HOOK3: variants seen among roughly 807,000 people sequenced by gnomAD.
HOOK3 encodes hook microtubule tethering protein 3, also known as protein Hook homolog 3.
A neutral mutation model predicts 116.3 loss-of-function variants in HOOK3; 24 were observed. The ratio of observed to expected loss-of-function variants is 0.21; its 90% CI spans 0.15 to 0.29. The LOEUF (loss-of-function observed/expected upper bound fraction) is 0.29, where lower values mean the gene tolerates loss of function less well. Among genes scored for constraint, HOOK3 ranks in the 10% least tolerant of loss-of-function variants. The probability of loss-of-function intolerance (pLI) is 1.00; values close to 1 mark genes in which losing one functional copy is unlikely to be tolerated. For missense variants in HOOK3, 632 were observed against 830.2 expected (o/e 0.76, Z 2.93); for synonymous variants, 275 against 283.0 (o/e 0.97, Z 0.28).
At chr8:42,984,908 A>C (rs963992718) in intron 14 of HOOK3, among the ~76,000 whole-genome samples, 1 of 152,238 alleles carries the variant, frequency 6.6e-6, no homozygotes, top group African/African-American at 2.4e-5. Context: ...CTGAAAAAAA[A>C]GAACAATGAT....
intron 1 of HOOK3, among the ~76,000 whole-genome samples, chr8:42,899,494 C>T (rs2130308386): frequency 6.6e-6 from 1 of 152,264 alleles, no homozygotes; most frequent in South Asian, 2.1e-4. Flanking sequence ...TCTCTTTTAG[C>T]TGTCATTATA....
In HOOK3 at chr8:43,028,649, C is replaced by T. The variant is rs1273319805; in HGVS notation, c.*10151C>T. The T allele has an allele frequency of 1.6e-5, 3 of 191,788 alleles. No individual in the cohort carries two copies. The highest frequency in any genetic ancestry group is 1.1e-5 in the Non-Finnish European group (1 of 91,754). 11.9% of individuals were successfully genotyped at this position (191,788 alleles called of 1,614,324 possible). A position where few individuals can be genotyped will look rare whatever the true frequency, so the allele number is the denominator to read the frequency against. ...TTAAGTTTTATGTATAAGGCATTTA[C>T]TATTCCAGTGACTTAGCTAATGAAA... On this transcript the variant is annotated 3_prime_UTR_variant, in exon 22 of 22. Transcript: ENST00000307602.
In HOOK3 at chr8:42,966,419, A is replaced by C. The variant is rs190032098; in HGVS notation, c.780-54A>C. On this transcript the variant is annotated intron_variant, in intron 9 of 21. Coordinates refer to ENST00000307602, the MANE Select transcript of HOOK3 (RefSeq NM_032410.4). ...ATATCTTTCTTTTACTGTTCTAAGG[A>C]GAATGAGGAGGCAGTAAATAGTGCT... 2.0e-4 allele frequency: 312 copies of C among 1,581,582 alleles called. No individual in the cohort carries two copies. The African/African-American group carries it at 3.7e-3, about 19-fold the overall frequency.
chr8:43,014,442 C>T (rs1373990491), intron 21 of HOOK3, among the ~76,000 whole-genome samples: 3 of 151,882 alleles, frequency 2.0e-5, no homozygotes, highest in Non-Finnish European at 4.4e-5. Context: ...ACCTCCGCCT[C>T]CCAGGTTCAA....
At chr8:42,921,473 T>A (rs1179033424) in intron 2 of HOOK3, among the ~76,000 whole-genome samples, 1 of 152,214 alleles carries the variant, frequency 6.6e-6, no homozygotes, top group Non-Finnish European at 1.5e-5. Context: ...AGAAATCACT[T>A]CAGTTGTTTT....
At chr8:42,934,784 A>G (rs1807935465) in intron 4 of HOOK3, among the ~76,000 whole-genome samples, 1 of 152,114 alleles carries the variant, frequency 6.6e-6, no homozygotes, top group African/African-American at 2.4e-5. Context: ...TTCTTTATCC[A>G]GTCTATCATT....
chr8:42,900,587 G>A (rs548304724), intron 1 of HOOK3, among the ~76,000 whole-genome samples: 5 of 152,138 alleles, frequency 3.3e-5, no homozygotes, highest in African/African-American at 1.2e-4. Context: ...TGCCTAACTC[G>A]ATTCTGCCAA....
At chr8:43,011,137 C>T (rs1042516699) in intron 19 of HOOK3, among the ~76,000 whole-genome samples, 3 of 151,976 alleles carry the variant, frequency 2.0e-5, no homozygotes, top group African/African-American at 4.8e-5. Flanking sequence ...GGACTACAGG[C>T]GCCTGCCACC....
In HOOK3 at chr8:42,909,621, C is replaced by T. The variant is rs1186369771; in HGVS notation, c.143+3363C>T. ...TTCTGGGAGCACAGGCACGCACACACCCAGCCTTTTTTGTTGTTGTTGTTG... is the reference window on the plus strand; with the variant it reads ...TTCTGGGAGCACAGGCACGCACACATCCAGCCTTTTTTGTTGTTGTTGTTG... On this transcript the variant is annotated intron_variant, in intron 2 of 21. Transcript: ENST00000307602. Among the ~76,000 whole-genome samples, 7 of 152,264 alleles carry T rather than the reference C, an allele frequency of 4.6e-5. No homozygotes were observed. The East Asian group carries it at 1.3e-3, about 29-fold the overall frequency.
intron 16 of HOOK3, among the ~76,000 whole-genome samples, chr8:42,999,424 C>T (rs549489131): frequency 1.3e-5 from 2 of 152,346 alleles, no homozygotes; most frequent in East Asian, 1.9e-4. Context: ...ATAGCTGAAA[C>T]TGTGCCTCCA....
At chr8:42,973,218 C>A in intron 11 of HOOK3, 71 bp from the exon 12 acceptor site, 1 of 1,504,006 alleles carries the variant, frequency 6.6e-7, no homozygotes, top group African/African-American at 1.4e-5. Context: ...TTTCTTAAAC[C>A]TGTAGAAGAA....
chr8:42,927,245 G>GTTTTTTTTTTGTTT (rs1389225180), intron 3 of HOOK3, among the ~76,000 whole-genome samples: 2 of 119,340 alleles, frequency 1.7e-5, no homozygotes, highest in African/African-American at 3.5e-5. Flanking sequence ...AATGGCACTG[G>GTTTTTTTTTTGTTT]TTTTTTTTTT....
At chr8:42,956,619 C>T (rs1385774122) in intron 6 of HOOK3, among the ~76,000 whole-genome samples, 9 of 152,126 alleles carry the variant, frequency 5.9e-5, no homozygotes, top group Admixed American at 3.9e-4. Context: ...GAATCTCGCC[C>T]TGTCGCCCAG....
At chr8:42,971,429 G>C (rs1162920145) in intron 11 of HOOK3, among the ~76,000 whole-genome samples, 1 of 151,720 alleles carries the variant, frequency 6.6e-6, no homozygotes, top group Non-Finnish European at 1.5e-5. Context: ...ACCATGCCTG[G>C]CTAATTTTTG....
At chr8:43,007,016 ATTTTTTTTT>A (rs58609523) in intron 17 of HOOK3, among the ~76,000 whole-genome samples, 1 of 103,242 alleles carries the variant, frequency 9.7e-6, no homozygotes, top group Non-Finnish European at 1.9e-5. Context: ...AAGTTCCTAG[ATTTTTTTTT>A]TTTTTTTTTT....
intron 13 of HOOK3, among the ~76,000 whole-genome samples, chr8:42,980,232 T>C (rs1808913573): frequency 6.6e-6 from 1 of 151,932 alleles, no homozygotes; most frequent in South Asian, 2.1e-4. Context: ...GGATTACAGG[T>C]GTGAGCCACT....
Position 42,906,195 on chromosome 8 carries a change from C to T in HOOK3, c.80C>T (p.Ala27Val), listed in dbSNP as rs774064362. The T allele has an allele frequency of 3.9e-6, 5 of 1,293,860 alleles. No homozygotes were observed. Among genetic ancestry groups the T allele is most frequent in the East Asian group, 4.5e-5 (1 of 22,098 alleles). 80.1% of individuals were successfully genotyped at this position (1,293,860 alleles called of 1,614,324 possible). A position where few individuals can be genotyped will look rare whatever the true frequency, so the allele number is the denominator to read the frequency against. ...LTWIQTFNVD[A>V]PCQTVEDLTN... is the part of the protein sequence containing the mutation. Reference sequence around the variant, plus strand: ...CAGATCCAGACATTTAATGTGGATGCACCATGCCAGACCGTGGAAGATTTA... The same window carrying T: ...CAGATCCAGACATTTAATGTGGATGTACCATGCCAGACCGTGGAAGATTTA... Residue 27 changes from alanine (A) to valine (V), a missense_variant, in exon 2 of 22, where the codon GCA becomes GTA. Transcript: ENST00000307602.
rs1554513746 is a variant in HOOK3, at chr8:42,976,062, G to GTA, written c.1321+1876_1321+1877dup. ...TATATGTGTGTGTGTGTGTGTGTGT[G>GTA]TATATATATGTATATATATTTTTTA... On this transcript the variant is annotated intron_variant, in intron 13 of 21. Transcript: ENST00000307602. Among the ~76,000 whole-genome samples, 8 of 150,264 alleles carry GTA rather than the reference G, an allele frequency of 5.3e-5. No individual in the cohort carries two copies. The South Asian group carries it at 6.2e-4, about 12-fold the overall frequency.
chr8:42,929,063 A>C (rs904753886), intron 3 of HOOK3, among the ~76,000 whole-genome samples: 1 of 152,140 alleles, frequency 6.6e-6, no homozygotes, highest in African/African-American at 2.4e-5. Flanking sequence ...TAAATACATA[A>C]ATAAAGATAA....
Sources: allele counts gnomAD v4.1 joint callset (sites outside exome capture counted in the v4.1 genomes callset), GRCh38; gene constraint gnomAD v4.1.1; transcripts MANE v1.5; gene names NCBI Gene and HGNC (gene_info 2026-07-23, HGNC 2026-07-21).